The following KICS2 variants were observed in gnomAD, a reference collection of about 807,000 sequenced individuals.
The protein encoded by KICS2 is KICSTOR subunit 2.
KICS2 carries 13 observed loss-of-function variants against 31.4 expected under a neutral mutation model. The observed-to-expected ratio is 0.41, with a 90% CI of 0.27 to 0.66. The LOEUF (loss-of-function observed/expected upper bound fraction) is 0.66, where lower values mean the gene tolerates loss of function less well. Among genes scored for constraint, KICS2 ranks in the 30% least tolerant of loss-of-function variants. The probability of loss-of-function intolerance (pLI) is 0.28; values close to 1 mark genes in which losing one functional copy is unlikely to be tolerated. For synonymous variants in KICS2, 209 were observed against 214.8 expected, an observed-to-expected ratio of 0.97 and a Z score of 0.24; for missense variants, 455 against 545.4, an observed-to-expected ratio of 0.83 and a Z score of 1.65.
chr12:64,197,100 C>T (rs1225646229), intron 2 of KICS2, among the ~76,000 whole-genome samples: 87 of 84,594 alleles, frequency 1.0e-3, no homozygotes, highest in Middle Eastern at 5.4e-3. Flanking sequence ...ATACAGAGAA[C>T]GCCACAAAGA....
In KICS2 at chr12:64,193,003, TA is replaced by T; in HGVS notation, c.*838del. 3.0e-6 allele frequency: 3 copies of T among 985,426 alleles called. No homozygotes were observed. The highest frequency in any genetic ancestry group is 3.6e-6 in the Non-Finnish European group (3 of 829,936). The allele number at this position is 985,426 out of a possible 1,614,324, so 61.0% of individuals were successfully genotyped here. ...AAAACCGACTGCATGCTTTTAAGCC[TA>T]AAAATAACCAAGGAGTAGAGCCAAA... On this transcript the variant is annotated 3_prime_UTR_variant, in exon 3 of 3. Coordinates refer to ENST00000398055, the MANE Select transcript of KICS2 (RefSeq NM_152440.5).
rs1467296577 is a variant in KICS2, at chr12:64,192,035, AC to A, written c.*1806del. The A allele has an allele frequency of 3.0e-5, 3 of 100,414 alleles. No individual in the cohort carries two copies. In the East Asian group the frequency reaches 1.1e-3, roughly 36 times the overall value. 6.2% of individuals were successfully genotyped at this position (100,414 alleles called of 1,614,324 possible). ...TACTCCAGCCTGGAAAACAGACAAG[AC>A]CCTGTCTCAAAAAAAAAAAAAAAAA... On this transcript the variant is annotated 3_prime_UTR_variant, in exon 3 of 3. Transcript: ENST00000398055.
At chr12:64,211,069 C>A (rs2037578564) in intron 2 of KICS2, among the ~76,000 whole-genome samples, 1 of 152,008 alleles carries the variant, frequency 6.6e-6, no homozygotes, top group South Asian at 2.1e-4. Flanking sequence ...CTTAAGCTTC[C>A]CGAAGAGTTC....
In KICS2 at chr12:64,192,514, G is replaced by C; in HGVS notation, c.*1328C>G. The C allele has an allele frequency of 1.3e-6, 1 of 741,400 alleles. No individual in the cohort carries two copies. The allele number at this position is 741,400 out of a possible 1,614,324, so 45.9% of individuals were successfully genotyped here. Reference sequence around the variant, plus strand: ...GGGCTCTCTGGTCTCTGCTGATGTTGCTGGCATACCTGCTGTGGACACCCA... The same window carrying C: ...GGGCTCTCTGGTCTCTGCTGATGTTCCTGGCATACCTGCTGTGGACACCCA... On this transcript the variant is annotated 3_prime_UTR_variant, in exon 3 of 3. Coordinates refer to ENST00000398055, the MANE Select transcript of KICS2 (RefSeq NM_152440.5).
chr12:64,206,551 T>G (rs2037540502), intron 2 of KICS2, among the ~76,000 whole-genome samples: 1 of 152,184 alleles, frequency 6.6e-6, no homozygotes, highest in South Asian at 2.1e-4. Context: ...ACAATTCCTT[T>G]TGGTCAAAAG....
At chr12:64,217,979 C>T (rs779972067) in intron 1 of KICS2, among the ~76,000 whole-genome samples, 2 of 152,068 alleles carry the variant, frequency 1.3e-5, no homozygotes, top group Non-Finnish European at 2.9e-5. Flanking sequence ...TGTGTTGGGC[C>T]GCATTCAAAG....
chr12:64,209,908 T>C (rs2037569003), intron 2 of KICS2, among the ~76,000 whole-genome samples: 1 of 152,200 alleles, frequency 6.6e-6, no homozygotes, highest in Admixed American at 6.5e-5. Context: ...GAAAGATAAA[T>C]GGATCCTTTG....
At chr12:64,202,328 C>T (rs999848717) in intron 2 of KICS2, among the ~76,000 whole-genome samples, 5 of 152,050 alleles carry the variant, frequency 3.3e-5, no homozygotes, top group African/African-American at 1.2e-4. Context: ...GGAAGATCAC[C>T]TGAGCCCAGC....
At position 64,207,732 on chromosome 12, in the gene KICS2, C is replaced by T. The variant is rs2037551520; in HGVS notation, c.521+7946G>A. ...CCCAGTGAGACAGTGTTAAGCAGAG[C>T]TACCCGCCTGAACCCTGCTCAGGTC... On this transcript the variant is annotated intron_variant, in intron 2 of 2. Coordinates refer to ENST00000398055, the MANE Select transcript of KICS2 (RefSeq NM_152440.5). Among the ~76,000 whole-genome samples, 3 of 152,284 alleles carry T rather than the reference C, an allele frequency of 2.0e-5. 1 individual carries two copies. In the South Asian group the frequency reaches 6.2e-4, roughly 32 times the overall value.
chr12:64,218,228 A>C (rs550563036), intron 1 of KICS2, among the ~76,000 whole-genome samples: 1 of 152,356 alleles, frequency 6.6e-6, no homozygotes, highest in African/African-American at 2.4e-5. Flanking sequence ...CAACATAAAT[A>C]GACCTCTGTG....
At chr12:64,207,697 A>G (rs1255505532) in intron 2 of KICS2, among the ~76,000 whole-genome samples, 3 of 152,188 alleles carry the variant, frequency 2.0e-5, no homozygotes, top group Admixed American at 1.3e-4. Context: ...GCTCACAGTA[A>G]AAAGTCAACC....
chr12:64,192,446 G>T lies in KICS2; in HGVS notation c.*1396C>A. 1 of 234,070 alleles carries T rather than the reference G, an allele frequency of 4.3e-6. No homozygotes were observed. The highest frequency in any genetic ancestry group is 7.0e-6 in the Non-Finnish European group (1 of 143,194). 14.5% of individuals were successfully genotyped at this position (234,070 alleles called of 1,614,324 possible). A position where few individuals can be genotyped will look rare whatever the true frequency, so the allele number is the denominator to read the frequency against. The stretch of plus-strand genomic sequence containing the variant: ...GGCCGGTTCTTCTTTCTTCTGCCAG[G>T]CAGTCCACCCTAGGTGGGCAGGCTT... On this transcript the variant is annotated 3_prime_UTR_variant, in exon 3 of 3. Transcript: ENST00000398055.
chr12:64,214,248 T>C (rs2037607615), intron 2 of KICS2, among the ~76,000 whole-genome samples: 1 of 152,230 alleles, frequency 6.6e-6, no homozygotes, highest in Non-Finnish European at 1.5e-5. Context: ...TTCCAGGTGC[T>C]AAAAGCACAG....
chr12:64,187,880 A>T (rs1201149957), downstream of KICS2, among the ~76,000 whole-genome samples: 1 of 152,218 alleles, frequency 6.6e-6, no homozygotes, highest in African/African-American at 2.4e-5. Flanking sequence ...ACATGGTAAA[A>T]ATACACTTGA....
intron 2 of KICS2, among the ~76,000 whole-genome samples, chr12:64,210,863 G>A (rs113407719): frequency 0.016 from 2,368 of 151,564 alleles, 61 homozygotes; most frequent in African/African-American, 0.055. Context: ...ACACACACAC[G>A]TGTATGCACA....
At chr12:64,209,402 T>C (rs994688865) in intron 2 of KICS2, among the ~76,000 whole-genome samples, 4 of 152,030 alleles carry the variant, frequency 2.6e-5, no homozygotes, top group African/African-American at 7.2e-5. Flanking sequence ...CTGGCCAACA[T>C]GGTAAAACCT....
At chr12:64,215,617 T>C in intron 2 of KICS2, 61 bp downstream of exon 2, 2 of 1,425,466 alleles carry the variant, frequency 1.4e-6, no homozygotes, top group South Asian at 1.3e-5. Flanking sequence ...AGAAAAACTC[T>C]GAGCTTGTGT....
intron 2 of KICS2, among the ~76,000 whole-genome samples, chr12:64,215,379 T>C (rs917867983): frequency 4.6e-5 from 7 of 152,200 alleles, no homozygotes; most frequent in Non-Finnish European, 8.8e-5. Context: ...TTATTTTATA[T>C]ACAATTCTCT....
At chr12:64,218,592 C>T (rs1238961459) in intron 1 of KICS2, among the ~76,000 whole-genome samples, 1 of 151,804 alleles carries the variant, frequency 6.6e-6, no homozygotes, top group Non-Finnish European at 1.5e-5. Context: ...GAATTGGGAG[C>T]TTCAAATACT....
Sources: gnomAD v4.1 joint callset for allele counts (sites outside exome capture counted in the v4.1 genomes callset) on GRCh38, gnomAD v4.1.1 for gene constraint, MANE v1.5 for transcripts, NCBI Gene and HGNC (gene_info 2026-07-23, HGNC 2026-07-21) for gene names.